Variants in HDX observed in about 807,000 individuals in gnomAD.
The protein encoded by HDX is highly divergent homeobox.
HDX carries 19 observed loss-of-function variants against 45.2 expected under a neutral mutation model. That is an observed-to-expected ratio of 0.42 (90% confidence interval 0.29 to 0.62). The LOEUF (loss-of-function observed/expected upper bound fraction) is 0.62, where lower values mean the gene tolerates loss of function less well. Ranked by LOEUF, HDX falls within the 20% of genes least tolerant of loss-of-function variation. The pLI, the probability that HDX is intolerant of heterozygous loss-of-function variation, is 0.20. For missense variants in HDX, 532 were observed against 493.9 expected (o/e 1.08, Z -0.73); for synonymous variants, 188 against 172.8 (o/e 1.09, Z -0.69).
intron 5 of HDX, among the ~76,000 whole-genome samples, chrX:84,426,983 G>A (rs148097347): frequency 2.0e-3 from 216 of 110,491 alleles, no homozygotes; most frequent in African/African-American, 6.4e-3. Context: ...AGTGTGTTCC[G>A]GAAATCTGCT....
At chrX:84,388,406 G>A (rs1274948186) in intron 5 of HDX, among the ~76,000 whole-genome samples, 1 of 111,254 alleles carries the variant, frequency 9.0e-6, no homozygotes, top group Non-Finnish European at 1.9e-5. Flanking sequence ...TTTTTAAGTC[G>A]CTTATGCTGT....
intron 5 of HDX, among the ~76,000 whole-genome samples, chrX:84,437,497 A>T (rs1311665451): frequency 2.7e-5 from 3 of 111,160 alleles, no homozygotes; most frequent in Non-Finnish European, 5.7e-5. Context: ...GCCTACTTTT[A>T]TTGGCTATGG....
chrX:84,384,560 T>C (rs2038263745), intron 5 of HDX, among the ~76,000 whole-genome samples: 1 of 92,018 alleles, frequency 1.1e-5, no homozygotes, highest in Non-Finnish European at 2.3e-5. Flanking sequence ...TTTTTTTTTT[T>C]CTGTAATTGC....
chrX:84,371,854 C>T (rs186600131), intron 5 of HDX, among the ~76,000 whole-genome samples: 12 of 111,788 alleles, frequency 1.1e-4, no homozygotes, highest in Admixed American at 5.7e-4. Flanking sequence ...CAGCAATCTG[C>T]GGCAAGCTCC....
At chrX:84,460,016 T>C (rs1043292145) in intron 4 of HDX, among the ~76,000 whole-genome samples, 1 of 111,260 alleles carries the variant, frequency 9.0e-6, no homozygotes, top group African/African-American at 3.3e-5. Context: ...AACAGATCAA[T>C]AATAAGTAAC....
chrX:84,390,870 T>C (rs935700400), intron 5 of HDX, among the ~76,000 whole-genome samples: 3 of 111,781 alleles, frequency 2.7e-5, no homozygotes, highest in Admixed American at 9.5e-5. Flanking sequence ...ATGGGGTACA[T>C]GTATTTGTTG....
intron 1 of HDX, among the ~76,000 whole-genome samples, chrX:84,489,854 G>A (rs1402627109): frequency 1.8e-5 from 2 of 111,860 alleles, no homozygotes; most frequent in Non-Finnish European, 3.8e-5. Flanking sequence ...AAAAACTTTT[G>A]TGTAGATTTC....
chrX:84,411,573 T>C (rs1280889380), intron 5 of HDX, among the ~76,000 whole-genome samples: 1 of 111,689 alleles, frequency 9.0e-6, no homozygotes, highest in African/African-American at 3.3e-5. Flanking sequence ...TGGGAATTGT[T>C]TTATGGTTAA....
At chrX:84,402,528 T>C (rs2038729966) in intron 5 of HDX, among the ~76,000 whole-genome samples, 1 of 112,085 alleles carries the variant, frequency 8.9e-6, no homozygotes, top group South Asian at 3.7e-4. Context: ...ATACAGTGTA[T>C]AGTATTCCAT....
chrX:84,470,297 C>T lies in HDX; in HGVS notation c.148-722G>A, dbSNP rs927001914. Among the ~76,000 whole-genome samples, 4 of 111,540 alleles carry T rather than the reference C, an allele frequency of 3.6e-5. No individual in the cohort carries two copies. The Admixed American group carries it at 3.8e-4, about 11-fold the overall frequency. The stretch of plus-strand genomic sequence containing the variant: ...ATGAGTTCCGGTTTCCTCACACCCT[C>T]ACCAAGAGTTTGCCTTATCTTTTTG... On this transcript the variant is annotated intron_variant, in intron 3 of 10. Coordinates refer to ENST00000373177, the MANE Select transcript of HDX (RefSeq NM_001177479.2).
chrX:84,417,823 C>T (rs1236281632), intron 5 of HDX, among the ~76,000 whole-genome samples: 2 of 111,792 alleles, frequency 1.8e-5, no homozygotes, highest in Non-Finnish European at 3.8e-5. Context: ...ATGCTTGGGG[C>T]AGCTGTGGTC....
intron 6 of HDX, among the ~76,000 whole-genome samples, chrX:84,345,797 A>G (rs185119329): frequency 1.3e-4 from 14 of 111,450 alleles, no homozygotes; most frequent in African/African-American, 4.2e-4. Context: ...AGCATTTAGT[A>G]TTGTCAGTAT....
intron 6 of HDX, among the ~76,000 whole-genome samples, chrX:84,344,837 T>C (rs1316461013): frequency 2.7e-5 from 3 of 111,192 alleles, no homozygotes; most frequent in African/African-American, 9.8e-5. Context: ...TTTATATAAA[T>C]ATTCAGACTT....
chrX:84,380,004 CAAAT>C (rs1002057431), intron 5 of HDX, among the ~76,000 whole-genome samples: 2 of 110,459 alleles, frequency 1.8e-5, no homozygotes, highest in African/African-American at 6.5e-5. Flanking sequence ...AGAGAAGATA[CAAAT>C]AAATAAATCA....
At chrX:84,478,238 T>A (rs1450596954) in intron 2 of HDX, among the ~76,000 whole-genome samples, 3 of 111,902 alleles carry the variant, frequency 2.7e-5, no homozygotes, top group Non-Finnish European at 3.8e-5. Flanking sequence ...AGGTTTAAGA[T>A]TCAGTATTTT....
chrX:84,405,014 A>G (rs972657054), intron 5 of HDX, among the ~76,000 whole-genome samples: 4 of 111,340 alleles, frequency 3.6e-5, no homozygotes, highest in Non-Finnish European at 7.6e-5. Context: ...AAATTTTACC[A>G]GTACTGATTT....
At chrX:84,406,687 AC>A (rs1412265692) in intron 5 of HDX, among the ~76,000 whole-genome samples, 6 of 111,199 alleles carry the variant, frequency 5.4e-5, no homozygotes, top group African/African-American at 3.3e-5. Context: ...TAGACTAAAG[AC>A]CACTAAGGAA....
At chrX:84,343,146 A>G (rs1260846409) in intron 7 of HDX, among the ~76,000 whole-genome samples, 1 of 111,256 alleles carries the variant, frequency 9.0e-6, no homozygotes, top group East Asian at 2.8e-4. Context: ...AATGGGCTCA[A>G]GGGACTTATT....
At chrX:84,358,569 C>T (rs2037543491) in intron 6 of HDX, among the ~76,000 whole-genome samples, 1 of 111,830 alleles carries the variant, frequency 8.9e-6, no homozygotes, top group Non-Finnish European at 1.9e-5. Context: ...TACTTTAACA[C>T]ATAGCAGCAT....
Sources: allele counts gnomAD v4.1 joint callset (sites outside exome capture counted in the v4.1 genomes callset), GRCh38; gene constraint gnomAD v4.1.1; transcripts MANE v1.5; gene names NCBI Gene and HGNC (gene_info 2026-07-23, HGNC 2026-07-21).